ROBO1: variants seen among roughly 807,000 people sequenced by gnomAD.
The protein encoded by ROBO1 is roundabout guidance receptor 1.
ROBO1 carries 149 observed loss-of-function variants against 195.9 expected under a neutral mutation model. The ratio of observed to expected loss-of-function variants is 0.76; its 90% CI spans 0.67 to 0.87. ROBO1 has a LOEUF of 0.87. ROBO1 is among the 40% of genes least tolerant of loss of function. The pLI is 0.00. For synonymous variants in ROBO1, 816 were observed against 733.2 expected, an observed-to-expected ratio of 1.11 and a Z score of -1.82; for missense variants, 1,933 against 2,068.3, an observed-to-expected ratio of 0.93 and a Z score of 1.27.
intron 4 of ROBO1, among the ~76,000 whole-genome samples, chr3:78,791,127 T>C (rs1055586216): frequency 8.5e-5 from 13 of 152,160 alleles, no homozygotes; most frequent in African/African-American, 3.1e-4. Flanking sequence ...ACAAAGAGAA[T>C]TCCTGGCAGA....
chr3:78,789,628 A>C (rs985455041), intron 4 of ROBO1, among the ~76,000 whole-genome samples: 1 of 152,084 alleles, frequency 6.6e-6, no homozygotes, highest in South Asian at 2.1e-4. Context: ...TTTACCTTCA[A>C]TCTCTTTCAC....
chr3:79,332,286 G>T (rs192598163), intron 2 of ROBO1, among the ~76,000 whole-genome samples: 10 of 151,142 alleles, frequency 6.6e-5, no homozygotes, highest in Admixed American at 4.6e-4. Context: ...TGCTAGACTT[G>T]TCCCAGAAAA....
At chr3:79,414,214 TCTCC>T (rs1446616073) in intron 2 of ROBO1, among the ~76,000 whole-genome samples, 25 of 151,054 alleles carry the variant, frequency 1.7e-4, no homozygotes, top group Admixed American at 1.2e-3. Flanking sequence ...TCTCTCTCTC[TCTCC>T]CTCCTCTTTC....
chr3:79,279,345 C>T (rs1365383083), intron 2 of ROBO1, among the ~76,000 whole-genome samples: 1 of 152,012 alleles, frequency 6.6e-6, no homozygotes, highest in Non-Finnish European at 1.5e-5. Context: ...ATAAATATTT[C>T]TTGATAGAAG....
chr3:79,269,740 T>C (rs1331714143), intron 2 of ROBO1, among the ~76,000 whole-genome samples: 1 of 151,742 alleles, frequency 6.6e-6, no homozygotes, highest in Non-Finnish European at 1.5e-5. Flanking sequence ...TGTTCTTCCC[T>C]CAAATACTGA....
chr3:79,173,897 G>C (rs568965209), intron 2 of ROBO1, among the ~76,000 whole-genome samples: 1 of 152,176 alleles, frequency 6.6e-6, no homozygotes, highest in Non-Finnish European at 1.5e-5. Flanking sequence ...TCAGCACCCT[G>C]TGTCTAGCTC....
intron 22 of ROBO1, among the ~76,000 whole-genome samples, chr3:78,637,116 C>T (rs1705567780): frequency 7.0e-6 from 1 of 141,870 alleles, no homozygotes; most frequent in Non-Finnish European, 1.5e-5. Context: ...GTGGTACCAA[C>T]ATTAACAAGT....
intron 21 of ROBO1, among the ~76,000 whole-genome samples, chr3:78,642,341 A>G (rs1238699017): frequency 2.0e-5 from 3 of 152,170 alleles, no homozygotes; most frequent in African/African-American, 7.2e-5. Flanking sequence ...CACAAAATAA[A>G]ACACTACAGA....
At chr3:78,615,340 T>C (rs531937155) in intron 27 of ROBO1, among the ~76,000 whole-genome samples, 2 of 152,316 alleles carry the variant, frequency 1.3e-5, no homozygotes, top group Non-Finnish European at 2.9e-5. Flanking sequence ...CTAGCTCACA[T>C]ATTTAGGTCT....
chr3:78,815,370 A>G (rs72894459), intron 4 of ROBO1, among the ~76,000 whole-genome samples: 4,208 of 152,270 alleles, frequency 0.028, 155 homozygotes, highest in African/African-American at 0.085. Flanking sequence ...TAGGAGTGCT[A>G]TTCTAGTAAA....
At chr3:79,657,071 A>G (rs1490523334) in intron 1 of ROBO1, among the ~76,000 whole-genome samples, 1 of 152,086 alleles carries the variant, frequency 6.6e-6, no homozygotes, top group East Asian at 1.9e-4. Flanking sequence ...GTAACCTTTG[A>G]AAATATGGTA....
chr3:79,510,996 C>T (rs1575943691), intron 2 of ROBO1, among the ~76,000 whole-genome samples: 1 of 152,106 alleles, frequency 6.6e-6, no homozygotes, highest in South Asian at 2.1e-4. Context: ...AAGCATTTAA[C>T]AAATCTGCAC....
At chr3:78,870,377 A>G (rs2035475049) in intron 4 of ROBO1, among the ~76,000 whole-genome samples, 1 of 152,226 alleles carries the variant, frequency 6.6e-6, no homozygotes, top group African/African-American at 2.4e-5. Flanking sequence ...TACGACTTCT[A>G]CATGCAAGTG....
intron 23 of ROBO1, 120 bp from the exon 24 acceptor site, chr3:78,634,162 T>A (rs1705348649): frequency 1.7e-6 from 1 of 578,244 alleles, no homozygotes; most frequent in Non-Finnish European, 3.0e-6. Context: ...TTTATTTGCC[T>A]TTTTTCTCTT....
rs145093655 is a variant in ROBO1, at chr3:79,017,914, C to A, written c.173-78987G>T. On this transcript the variant is annotated intron_variant, in intron 3 of 30. Coordinates refer to ENST00000464233, the MANE Select transcript of ROBO1 (RefSeq NM_002941.4). The stretch of plus-strand genomic sequence containing the variant: ...TACAGACTTTGGTTACATAAAACAA[C>A]TACTAATAACCCCTTGTGCTCGGAA... Among the ~76,000 whole-genome samples the A allele has an allele frequency of 3.6e-3, 548 of 152,272 alleles. 7 individuals carry two copies. The highest frequency in any genetic ancestry group is 0.012 in the African/African-American group (508 of 41,568).
At chr3:78,600,613 C>G (rs1703117387) in intron 29 of ROBO1, among the ~76,000 whole-genome samples, 1 of 152,108 alleles carries the variant, frequency 6.6e-6, no homozygotes, top group Admixed American at 6.6e-5. Flanking sequence ...TGGAGTCAGA[C>G]TTGGCTTCCA....
At chr3:79,598,727 G>C (rs1944253849) in intron 1 of ROBO1, among the ~76,000 whole-genome samples, 1 of 151,756 alleles carries the variant, frequency 6.6e-6, no homozygotes, top group Non-Finnish European at 1.5e-5. Context: ...TGAGATTCTG[G>C]GGCAAGCTTA....
chr3:78,993,057 T>C (rs866935045), intron 3 of ROBO1, among the ~76,000 whole-genome samples: 1 of 152,176 alleles, frequency 6.6e-6, no homozygotes, highest in Non-Finnish European at 1.5e-5. Flanking sequence ...AATTCTCCTC[T>C]CATAATCCCA....
At chr3:79,747,279 AATAGG>A (rs1703919469) in intron 1 of ROBO1, among the ~76,000 whole-genome samples, 1 of 152,034 alleles carries the variant, frequency 6.6e-6, no homozygotes, top group South Asian at 2.1e-4. Context: ...TCTGGATTTA[AATAGG>A]ATACCAGGAC....
Sources: gnomAD v4.1 joint callset for allele counts (sites outside exome capture counted in the v4.1 genomes callset) on GRCh38, gnomAD v4.1.1 for gene constraint, MANE v1.5 for transcripts, NCBI Gene and HGNC (gene_info 2026-07-23, HGNC 2026-07-21) for gene names.